Variants in EYS observed in about 807,000 individuals in gnomAD.
The protein encoded by EYS is protein eyes shut homolog.
EYS carries 250 observed loss-of-function variants against 282.1 expected under a neutral mutation model. That is an observed-to-expected ratio of 0.89 (90% CI 0.80 to 0.98). The LOEUF is 0.98. Ranked by LOEUF, EYS falls within the 50% of genes least tolerant of loss-of-function variation. EYS has a pLI of 0.00. For missense variants in EYS, 4,016 were observed against 3,709.0 expected (o/e 1.08, Z -2.15); for synonymous variants, 1,355 against 1,282.9 (o/e 1.06, Z -1.20).
Position 65,011,980 on chromosome 6 carries a change from T to C in EYS, c.2138-14277A>G, listed in dbSNP as rs116643303. 5.4e-3 allele frequency among the ~76,000 whole-genome samples: 824 copies of C among 152,260 alleles called. 9 individuals carry two copies. Among genetic ancestry groups the C allele is most frequent in the African/African-American group, 0.019 (783 of 41,550 alleles). On this transcript the variant is annotated intron_variant, in intron 13 of 42. Coordinates refer to ENST00000503581, the MANE Select transcript of EYS (RefSeq NM_001142800.2). The stretch of plus-strand genomic sequence containing the variant: ...TCTTGCAACAGCAAAAAAAAGAAAG[T>C]AGATTATTAACAATTTGATGCTCCC...
chr6:65,406,011 A>T (rs1766720934), intron 5 of EYS, among the ~76,000 whole-genome samples: 2 of 152,102 alleles, frequency 1.3e-5, no homozygotes, highest in African/African-American at 2.4e-5. Flanking sequence ...TTTTCAAAGT[A>T]GCTGTGCCAT....
At chr6:64,555,688 T>C (rs1048835823) in intron 26 of EYS, among the ~76,000 whole-genome samples, 2 of 149,128 alleles carry the variant, frequency 1.3e-5, no homozygotes, top group African/African-American at 4.9e-5. Context: ...TGTGAAAAGA[T>C]AGTCAAAGTT....
chr6:64,598,940 A>G (rs2149836947), intron 24 of EYS, among the ~76,000 whole-genome samples: 1 of 152,196 alleles, frequency 6.6e-6, no homozygotes, highest in East Asian at 1.9e-4. Context: ...TATTTTAGGA[A>G]AGAGTATCAA....
intron 14 of EYS, among the ~76,000 whole-genome samples, chr6:64,963,242 T>C (rs1413830099): frequency 6.6e-6 from 1 of 152,162 alleles, no homozygotes; most frequent in African/African-American, 2.4e-5. Context: ...AATAGCAAAA[T>C]ATTAATTTAC....
chr6:65,361,951 C>G (rs1212724273), intron 8 of EYS, among the ~76,000 whole-genome samples: 1 of 152,090 alleles, frequency 6.6e-6, no homozygotes, highest in Non-Finnish European at 1.5e-5. Context: ...GAAATGTACA[C>G]TATTCTAAAA....
chr6:65,124,924 T>C (rs954018999), intron 12 of EYS, among the ~76,000 whole-genome samples: 2 of 152,152 alleles, frequency 1.3e-5, no homozygotes, highest in African/African-American at 4.8e-5. Context: ...CAGTGGAGGG[T>C]AAATTGCCTT....
intron 29 of EYS, among the ~76,000 whole-genome samples, chr6:64,322,869 G>A (rs1217070338): frequency 2.0e-5 from 3 of 151,964 alleles, no homozygotes; most frequent in Non-Finnish European, 2.9e-5. Flanking sequence ...AGAAAAGCCT[G>A]AGCACAATTT....
At chr6:63,778,241 A>T in intron 39 of EYS, 61 bp from the exon 40 acceptor site, 1 of 1,476,752 alleles carries the variant, frequency 6.8e-7, no homozygotes, top group Non-Finnish European at 9.2e-7. Context: ...AAACAAGAAG[A>T]AGGTTATTTT....
At chr6:65,656,881 C>A (rs1274971591) in intron 1 of EYS, among the ~76,000 whole-genome samples, 1 of 151,886 alleles carries the variant, frequency 6.6e-6, no homozygotes, top group Non-Finnish European at 1.5e-5. Flanking sequence ...GAAGTCAATG[C>A]CTGGTTTCAC....
At chr6:64,300,506 C>T (rs1769196901) in intron 30 of EYS, among the ~76,000 whole-genome samples, 1 of 152,072 alleles carries the variant, frequency 6.6e-6, no homozygotes, top group Non-Finnish European at 1.5e-5. Context: ...TAAAACGACT[C>T]CAAATCCCAT....
At chr6:64,219,785 T>C (rs1397262277) in intron 31 of EYS, among the ~76,000 whole-genome samples, 2 of 152,164 alleles carry the variant, frequency 1.3e-5, no homozygotes, top group Non-Finnish European at 1.5e-5. Flanking sequence ...CCAACCCAAA[T>C]GTCCAACAAT....
rs568030767 is a variant in EYS, at chr6:64,518,604, C to T, written c.5644+71619G>A. 9.9e-5 allele frequency among the ~76,000 whole-genome samples: 15 copies of T among 151,694 alleles called. No individual in the cohort carries two copies. The South Asian group carries it at 2.9e-3, about 29-fold the overall frequency. On this transcript the variant is annotated intron_variant, in intron 26 of 42. Transcript: ENST00000503581. ...TGACCTAAAGTCGCTATTGACCCGA[C>T]GGGAATGATATGGTTTGGCTGCGTC...
chr6:65,274,555 G>A (rs1767991124), intron 12 of EYS, among the ~76,000 whole-genome samples: 1 of 152,144 alleles, frequency 6.6e-6, no homozygotes, highest in Non-Finnish European at 1.5e-5. Flanking sequence ...TTTGTTTTCA[G>A]CTGGCACTAC....
chr6:65,627,786 AG>A (rs1766766495), intron 2 of EYS, among the ~76,000 whole-genome samples: 1 of 152,174 alleles, frequency 6.6e-6, no homozygotes, highest in African/African-American at 2.4e-5. Context: ...CCCGCGGGGT[AG>A]GGCTCGGGAC....
At chr6:64,324,406 T>A (rs1200560566) in intron 29 of EYS, among the ~76,000 whole-genome samples, 5 of 152,080 alleles carry the variant, frequency 3.3e-5, no homozygotes. Context: ...GACAGATGCA[T>A]AAAAAAGTTT....
At chr6:64,388,913 A>G in intron 28 of EYS, 73 bp from the exon 29 acceptor site, 1 of 964,018 alleles carries the variant, frequency 1.0e-6, no homozygotes, top group Non-Finnish European at 1.4e-6. Flanking sequence ...TAATTAAACT[A>G]TTATCAAAAG....
intron 41 of EYS, 99 bp downstream of exon 41, chr6:63,762,362 T>A: frequency 9.1e-7 from 1 of 1,103,414 alleles, no homozygotes; most frequent in South Asian, 1.5e-5. Context: ...TGAATTTTAT[T>A]ATATGTACTT....
chr6:63,824,893 G>A (rs1771417184), intron 36 of EYS, among the ~76,000 whole-genome samples: 1 of 152,202 alleles, frequency 6.6e-6, no homozygotes, highest in South Asian at 2.1e-4. Context: ...TGAACCAGGC[G>A]AGAAGCCTCC....
intron 28 of EYS, among the ~76,000 whole-genome samples, chr6:64,403,302 A>T (rs936438932): frequency 6.6e-6 from 1 of 152,168 alleles, no homozygotes; most frequent in African/African-American, 2.4e-5. Context: ...ATGAATATTC[A>T]CAAAATATGT....
Sources: gnomAD v4.1 joint callset for allele counts (sites outside exome capture counted in the v4.1 genomes callset) on GRCh38, gnomAD v4.1.1 for gene constraint, MANE v1.5 for transcripts, NCBI Gene and HGNC (gene_info 2026-07-23, HGNC 2026-07-21) for gene names.